Variants in OGDH observed in about 807,000 individuals in gnomAD.
The protein encoded by OGDH is 2-oxoglutarate dehydrogenase complex component E1.
Under a neutral mutation model 116.6 loss-of-function variants are expected in OGDH, and 38 were observed. The observed-to-expected ratio is 0.33, with a 90% CI of 0.25 to 0.43. The LOEUF (loss-of-function observed/expected upper bound fraction) is 0.43, where lower values mean the gene tolerates loss of function less well. Ranked by LOEUF, OGDH falls within the 20% of genes least tolerant of loss-of-function variation. OGDH has a pLI of 1.00. For synonymous variants in OGDH, 488 were observed against 533.3 expected (o/e 0.92, Z 1.17); for missense variants, 825 against 1,357.2 (o/e 0.61, Z 6.16).
intron 9 of OGDH, among the ~76,000 whole-genome samples, chr7:44,676,854 G>C (rs1048267330): frequency 1.3e-5 from 2 of 152,120 alleles, no homozygotes; most frequent in African/African-American, 4.8e-5. Context: ...AAAAGTGTAG[G>C]TGAGCCTGAA....
chr7:44,691,491 C>T (rs1248377380), intron 10 of OGDH, among the ~76,000 whole-genome samples: 1 of 146,906 alleles, frequency 6.8e-6, no homozygotes, highest in African/African-American at 2.5e-5. Flanking sequence ...GTGATCACAC[C>T]ACTACGTTCC....
At position 44,697,558 on chromosome 7, in the gene OGDH, G is replaced by A; in HGVS notation, c.2180-46G>A. 3.7e-6 allele frequency: 6 copies of A among 1,613,796 alleles called. No homozygotes were observed. The highest frequency in any genetic ancestry group is 4.2e-6 in the Non-Finnish European group (5 of 1,179,744). On this transcript the variant is annotated intron_variant, in intron 16 of 22. Transcript: ENST00000222673. This position sits in a 1 kb window ranked among gnomAD's most constrained non-coding sequence, Gnocchi z 6.0. Reference sequence around the variant, plus strand: ...CCCACCCACCCCCGCTGGGCCTACTGGCTGGTGTCCTGGACATGGTTTTCT... The same window carrying A: ...CCCACCCACCCCCGCTGGGCCTACTAGCTGGTGTCCTGGACATGGTTTTCT...
At chr7:44,624,591 G>C (rs373570141) in intron 2 of OGDH, 26 bp downstream of exon 2, 2 of 1,598,750 alleles carry the variant, frequency 1.3e-6, no homozygotes, top group African/African-American at 2.7e-5. Flanking sequence ...CTGTGGGTCT[G>C]CCTCATGTTG....
At position 44,676,353 on chromosome 7, in the gene OGDH, G is replaced by A. The variant is rs982285642; in HGVS notation, c.1206+204G>A. The A allele has an allele frequency of 1.5e-5, 18 of 1,163,312 alleles. No homozygotes were observed. The African/African-American group carries it at 2.5e-4, about 16-fold the overall frequency. The allele number at this position is 1,163,312 out of a possible 1,614,324, so 72.1% of individuals were successfully genotyped here. A position where few individuals can be genotyped will look rare whatever the true frequency, so the allele number is the denominator to read the frequency against. ...GGCAGATCACCTGAGTTCGGGAGTT[G>A]GAGACCAGCCTGACCAACATGGAGA... On this transcript the variant is annotated intron_variant, in intron 9 of 22. Coordinates refer to ENST00000222673, the MANE Select transcript of OGDH (RefSeq NM_002541.4).
At chr7:44,699,850 A>G (rs1203238217) in intron 18 of OGDH, among the ~76,000 whole-genome samples, 1 of 152,174 alleles carries the variant, frequency 6.6e-6, no homozygotes, top group Non-Finnish European at 1.5e-5. Context: ...GAGAGCAGGC[A>G]TGTCACATGG....
At position 44,624,471 on chromosome 7, in the gene OGDH, C is replaced by G; in HGVS notation, c.128C>G (p.Pro43Arg). 1 of 1,613,780 alleles carries G rather than the reference C, an allele frequency of 6.2e-7. No individual in the cohort carries two copies. Among genetic ancestry groups the G allele is most frequent in the Non-Finnish European group, 8.5e-7 (1 of 1,179,976 alleles). Residue 43 changes from proline (P) to arginine (R), a missense_variant, in exon 2 of 23, where the codon CCT becomes CGT. Pro to Arg is a moderately radical substitution (Grantham distance 103). Coordinates refer to ENST00000222673, the MANE Select transcript of OGDH (RefSeq NM_002541.4). The part of the protein sequence containing the change: ...TFQQIRCYSA[P>R]VAAEPFLSGT... ...CAACAGATTCGGTGCTATTCTGCAC[C>G]TGTTGCTGCTGAGCCCTTTCTCAGT...
intron 1 of OGDH, among the ~76,000 whole-genome samples, chr7:44,617,429 G>A (rs964827442): frequency 2.0e-5 from 3 of 151,996 alleles, no homozygotes; most frequent in Non-Finnish European, 4.4e-5. Context: ...GGTGTCACAC[G>A]GTCTCTGTAC....
chr7:44,642,885 G>A (rs1182671361), intron 2 of OGDH, among the ~76,000 whole-genome samples: 2 of 149,056 alleles, frequency 1.3e-5, no homozygotes, highest in Non-Finnish European at 3.0e-5. Context: ...TTGCACTACT[G>A]CACTCCAGCC....
At chr7:44,662,738 C>T (rs564180170) in intron 4 of OGDH, among the ~76,000 whole-genome samples, 30 of 152,042 alleles carry the variant, frequency 2.0e-4, no homozygotes, top group East Asian at 3.9e-4. Flanking sequence ...CTGGGATTAC[C>T]GGCGTGAGCC....
chr7:44,623,880 G>A (rs531913147), intron 1 of OGDH, among the ~76,000 whole-genome samples: 1 of 152,224 alleles, frequency 6.6e-6, no homozygotes, highest in Non-Finnish European at 1.5e-5. Flanking sequence ...TCCTGACCTC[G>A]TGATCCACCC....
intron 1 of OGDH, among the ~76,000 whole-genome samples, chr7:44,608,591 G>A (rs910263196): frequency 8.6e-5 from 13 of 151,700 alleles, no homozygotes; most frequent in African/African-American, 2.7e-4. Flanking sequence ...CTCAGCTACA[G>A]GCTGAGCTCC....
rs917200346 is a variant in OGDH, at chr7:44,708,485, G to A, written c.*486G>A. 4.5e-5 allele frequency: 7 copies of A among 154,280 alleles called. No homozygotes were observed. The highest frequency in any genetic ancestry group is 2.6e-4 in the Admixed American group (4 of 15,462). The allele number at this position is 154,280 out of a possible 1,614,324, so 9.6% of individuals were successfully genotyped here. A position where few individuals can be genotyped will look rare whatever the true frequency, so the allele number is the denominator to read the frequency against. ...TAGCCATGGCTGGCAGAGGTTTCTA[G>A]GGTGGGCCCCAGCCGTGGCGTGAAC... is the stretch of plus-strand genomic sequence containing the variant. On this transcript the variant is annotated 3_prime_UTR_variant, in exon 23 of 23. Transcript: ENST00000222673.
chr7:44,665,488 C>T (rs779161517), intron 4 of OGDH, among the ~76,000 whole-genome samples: 3 of 152,076 alleles, frequency 2.0e-5, no homozygotes, highest in Non-Finnish European at 4.4e-5. Context: ...GTGGGCCCAC[C>T]CTGAGACTCA....
intron 2 of OGDH, among the ~76,000 whole-genome samples, chr7:44,641,665 A>C (rs1785951143): frequency 6.6e-6 from 1 of 152,172 alleles, no homozygotes; most frequent in Non-Finnish European, 1.5e-5. Context: ...CAGTTATTGG[A>C]GGCCTGGGTA....
intron 20 of OGDH, among the ~76,000 whole-genome samples, chr7:44,702,082 A>C (rs1354936756): frequency 6.6e-6 from 1 of 152,122 alleles, no homozygotes; most frequent in Admixed American, 6.6e-5. Flanking sequence ...AAAAAAAAAA[A>C]AAAAAGTCCC....
In OGDH at chr7:44,700,373, C is replaced by T. The variant is rs1386448718; in HGVS notation, c.2559+104C>T. The T allele has an allele frequency of 2.8e-6, 4 of 1,433,196 alleles. No individual in the cohort carries two copies. The East Asian group carries it at 9.2e-5, about 33-fold the overall frequency. 88.8% of individuals were successfully genotyped at this position (1,433,196 alleles called of 1,614,324 possible). On this transcript the variant is annotated intron_variant, in intron 19 of 22. Coordinates refer to ENST00000222673, the MANE Select transcript of OGDH (RefSeq NM_002541.4). ...TCTTGCTTGGGGTTAGCTAGGTGGG[C>T]ACCTGCAGGGGTAGTGTGGACAGGA...
intron 20 of OGDH, among the ~76,000 whole-genome samples, chr7:44,706,644 G>A (rs1200763331): frequency 1.1e-5 from 1 of 88,622 alleles, no homozygotes; most frequent in African/African-American, 1.1e-4. Context: ...TTTTTTGTCT[G>A]GAGATGGAGT....
chr7:44,641,845 C>T (rs1444191964), intron 2 of OGDH, among the ~76,000 whole-genome samples: 1 of 152,214 alleles, frequency 6.6e-6, no homozygotes, highest in African/African-American at 2.4e-5. Context: ...TATTTGTGCA[C>T]AGCCACCTTT....
chr7:44,636,670 T>C (rs1785684915), intron 2 of OGDH, among the ~76,000 whole-genome samples: 2 of 152,244 alleles, frequency 1.3e-5, no homozygotes, highest in Admixed American at 1.3e-4. Context: ...AGAGCACTGG[T>C]CACTGTGAGG....
Sources: gnomAD v4.1 joint callset for allele counts (sites outside exome capture counted in the v4.1 genomes callset) on GRCh38, gnomAD v4.1.1 for gene constraint, Gnocchi (gnomAD v3.1) non-coding constraint, MANE v1.5 for transcripts, NCBI Gene and HGNC (gene_info 2026-07-23, HGNC 2026-07-21) for gene names.